The following NAV2 variants were observed in gnomAD, a reference collection of about 807,000 sequenced individuals.
The protein encoded by NAV2 is helicase, APC down-regulated 1.
A neutral mutation model predicts 223.2 loss-of-function variants in NAV2; 54 were observed. The ratio of observed to expected loss-of-function variants is 0.24; its 90% CI spans 0.19 to 0.30. The LOEUF (loss-of-function observed/expected upper bound fraction) is 0.30, where lower values mean the gene tolerates loss of function less well. NAV2 is among the 10% of genes least tolerant of loss of function. The pLI, the probability that NAV2 is intolerant of heterozygous loss-of-function variation, is 1.00. For missense variants in NAV2, 2,806 were observed against 3,147.5 expected (o/e 0.89, Z 2.60); for synonymous variants, 1,279 against 1,239.3 (o/e 1.03, Z -0.67).
At chr11:19,403,614 T>G (rs1374866397) in intron 1 of NAV2, among the ~76,000 whole-genome samples, 1 of 152,170 alleles carries the variant, frequency 6.6e-6, no homozygotes, top group Non-Finnish European at 1.5e-5. Flanking sequence ...CTATCAATGT[T>G]CATTGAGAGG....
chr11:19,354,454 G>A (rs1853500248), intron 1 of NAV2, among the ~76,000 whole-genome samples: 1 of 152,226 alleles, frequency 6.6e-6, no homozygotes, highest in African/African-American at 2.4e-5. Context: ...CCTTTCTGAA[G>A]AGCCAACAAC....
At chr11:19,548,165 G>A (rs1417310183) in intron 1 of NAV2, among the ~76,000 whole-genome samples, 1 of 152,082 alleles carries the variant, frequency 6.6e-6, no homozygotes, top group Non-Finnish European at 1.5e-5. Flanking sequence ...GTCGGTAATG[G>A]GTATCTCCAA....
At chr11:19,788,889 C>T (rs1308960984) in intron 1 of NAV2, among the ~76,000 whole-genome samples, 1 of 152,144 alleles carries the variant, frequency 6.6e-6, no homozygotes, top group Non-Finnish European at 1.5e-5. Flanking sequence ...CCCTCTGTCT[C>T]ATGTAGGTAC....
At chr11:20,081,008 T>C (rs192353723) in intron 25 of NAV2, among the ~76,000 whole-genome samples, 1 of 152,340 alleles carries the variant, frequency 6.6e-6, no homozygotes, top group African/African-American at 2.4e-5. Flanking sequence ...AGTTGACCAG[T>C]GGCCCCGTTC....
intron 1 of NAV2, among the ~76,000 whole-genome samples, chr11:19,354,221 T>C (rs1460796527): frequency 6.6e-6 from 1 of 152,226 alleles, no homozygotes; most frequent in Non-Finnish European, 1.5e-5. Flanking sequence ...AAAGCCACTT[T>C]TTTCTTGAAG....
At chr11:19,797,147 C>T (rs565900325) in intron 1 of NAV2, among the ~76,000 whole-genome samples, 2 of 152,162 alleles carry the variant, frequency 1.3e-5, no homozygotes, top group Admixed American at 1.3e-4. Flanking sequence ...TGGGCCTGGT[C>T]GGCATGAGAA....
intron 20 of NAV2, among the ~76,000 whole-genome samples, chr11:20,064,136 A>G (rs2058887071): frequency 6.6e-6 from 1 of 152,208 alleles, no homozygotes; most frequent in South Asian, 2.1e-4. Context: ...ATCTGCTAAG[A>G]AAGCATAGAG....
intron 10 of NAV2, among the ~76,000 whole-genome samples, chr11:19,960,035 T>G (rs2048222369): frequency 6.6e-6 from 1 of 152,210 alleles, no homozygotes; most frequent in Non-Finnish European, 1.5e-5. Flanking sequence ...TTAATCAACA[T>G]GACCGAGACT....
chr11:19,897,071 A>G (rs902387612), intron 6 of NAV2, among the ~76,000 whole-genome samples: 2 of 152,106 alleles, frequency 1.3e-5, no homozygotes, highest in African/African-American at 4.8e-5. Context: ...TGATGAGTTC[A>G]TGTCCTTTGT....
intron 1 of NAV2, among the ~76,000 whole-genome samples, chr11:19,615,909 T>C (rs1025700425): frequency 6.6e-6 from 1 of 152,186 alleles, no homozygotes; most frequent in African/African-American, 2.4e-5. Flanking sequence ...GAGTCCACTG[T>C]TGGGGGGATC....
At chr11:19,616,585 C>G (rs1403925737) in intron 1 of NAV2, among the ~76,000 whole-genome samples, 1 of 151,896 alleles carries the variant, frequency 6.6e-6, no homozygotes, top group African/African-American at 2.4e-5. Flanking sequence ...TGTGGAGCAC[C>G]CAGGCTGGCG....
At chr11:19,616,304 C>CTG (rs113035353) in intron 1 of NAV2, among the ~76,000 whole-genome samples, 1,624 of 140,678 alleles carry the variant, frequency 0.012, 14 homozygotes, top group African/African-American at 0.023. Flanking sequence ...TTGCTTCTGA[C>CTG]TGTGTGTGTG....
At chr11:20,110,446 G>C (rs909247116) in intron 36 of NAV2, among the ~76,000 whole-genome samples, 2 of 152,158 alleles carry the variant, frequency 1.3e-5, no homozygotes, top group African/African-American at 4.8e-5. Flanking sequence ...GGGGCCCGAC[G>C]TGCATGATCT....
At chr11:19,820,997 T>A (rs1424132978) in intron 1 of NAV2, among the ~76,000 whole-genome samples, 1 of 152,238 alleles carries the variant, frequency 6.6e-6, no homozygotes, top group Non-Finnish European at 1.5e-5. Context: ...GCGCAGTGGC[T>A]CACGCCTGTA....
At chr11:20,066,873 C>G (rs902937510) in intron 20 of NAV2, among the ~76,000 whole-genome samples, 10 of 152,132 alleles carry the variant, frequency 6.6e-5, no homozygotes, top group African/African-American at 2.4e-4. Context: ...CTGGGTACAG[C>G]GATGGGTAGA....
chr11:19,577,635 A>G (rs2045606179), intron 1 of NAV2, among the ~76,000 whole-genome samples: 1 of 151,982 alleles, frequency 6.6e-6, no homozygotes, highest in Non-Finnish European at 1.5e-5. Flanking sequence ...CCCTTTTATC[A>G]CAGTTATTTC....
rs373969150 is a variant in NAV2, at chr11:19,909,736, A to G, written c.931+17142A>G. Among the ~76,000 whole-genome samples, 27 of 152,264 alleles carry G rather than the reference A, an allele frequency of 1.8e-4. No individual in the cohort carries two copies. In the East Asian group the frequency reaches 4.4e-3, roughly 25 times the overall value. On this transcript the variant is annotated intron_variant, in intron 6 of 37. Transcript: ENST00000349880. ...CTTCTCGGCTGCTCTTTTTGAAATC[A>G]AAAGCCTGCCATAGGGTTGCAAATT...
rs147592002 is a variant in NAV2 at position 19,989,510 on chromosome 11, A to G, written c.2768+5263A>G. On this transcript the variant is annotated intron_variant, in intron 11 of 37. Transcript: ENST00000349880. ...GACTCACAGAACTGTGAGCTAATCA[A>G]TTTTTTTTGTTTTTAGCTACTAAGT... Among the ~76,000 whole-genome samples, 219 of 152,056 alleles carry G rather than the reference A, an allele frequency of 1.4e-3. 1 individual carries two copies. The highest frequency in any genetic ancestry group is 4.7e-3 in the African/African-American group (195 of 41,492).
At chr11:19,792,374 G>A (rs2079948689) in intron 1 of NAV2, among the ~76,000 whole-genome samples, 1 of 152,218 alleles carries the variant, frequency 6.6e-6, no homozygotes, top group African/African-American at 2.4e-5. Flanking sequence ...GAAGGATTTG[G>A]CCAGCCCATT....
Sources: allele counts gnomAD v4.1 joint callset (sites outside exome capture counted in the v4.1 genomes callset), GRCh38; gene constraint gnomAD v4.1.1; transcripts MANE v1.5; gene names NCBI Gene and HGNC (gene_info 2026-07-23, HGNC 2026-07-21).